Variants in RIMBP2 observed in about 807,000 individuals in gnomAD.
The protein encoded by RIMBP2 is RIMS-binding protein 2.
A neutral mutation model predicts 118.6 loss-of-function variants in RIMBP2; 48 were observed. The ratio of observed to expected loss-of-function variants is 0.40; its 90% CI spans 0.32 to 0.51. The LOEUF (loss-of-function observed/expected upper bound fraction) is 0.51. Among genes scored for constraint, RIMBP2 ranks in the 20% least tolerant of loss-of-function variants. The probability of loss-of-function intolerance (pLI) is 0.41; values close to 1 mark genes in which losing one functional copy is unlikely to be tolerated. For missense variants in RIMBP2, 1,551 were observed against 1,768.3 expected (o/e 0.88, Z 2.20); for synonymous variants, 762 against 742.9 (o/e 1.03, Z -0.42).
Position 130,446,696 on chromosome 12 carries a change from G to C in RIMBP2, c.582-1427C>G, listed in dbSNP as rs1566053484. Among the ~76,000 whole-genome samples the C allele has an allele frequency of 3.9e-5, 6 of 152,232 alleles. No individual in the cohort carries two copies. Among genetic ancestry groups the C allele is most frequent in the Admixed American group, 3.3e-4 (5 of 15,288 alleles). On this transcript the variant is annotated intron_variant, in intron 9 of 22. Coordinates refer to ENST00000690449, the MANE Select transcript of RIMBP2 (RefSeq NM_001393629.1). The surrounding 1 kb of genome is among the most constrained non-coding windows in gnomAD (Gnocchi z 4.1). ...CCAAGGCCCAGAGGCAGGGAGGAGAGAGATGAGGTTGGCAGGGACCAGACT... is the reference window on the plus strand; with the variant it reads ...CCAAGGCCCAGAGGCAGGGAGGAGACAGATGAGGTTGGCAGGGACCAGACT...
At chr12:130,521,493 G>GAA in intron 2 of RIMBP2, among the ~76,000 whole-genome samples, 1 of 152,340 alleles carries the variant, frequency 6.6e-6, no homozygotes, top group South Asian at 2.1e-4. Context: ...AGCCTAGGGG[G>GAA]AGGCACCAGC....
At chr12:130,594,002 A>C (rs2059420101) in intron 2 of RIMBP2, among the ~76,000 whole-genome samples, 1 of 152,216 alleles carries the variant, frequency 6.6e-6, no homozygotes, top group Non-Finnish European at 1.5e-5. Context: ...GATTATTTCC[A>C]ATACCAGAAG....
intron 19 of RIMBP2, among the ~76,000 whole-genome samples, chr12:130,412,332 G>A (rs61934554): frequency 0.016 from 2,375 of 152,264 alleles, 33 homozygotes; most frequent in Admixed American, 0.046. Flanking sequence ...GTGTTTTCTA[G>A]ATGCGATAAA....
intron 2 of RIMBP2, among the ~76,000 whole-genome samples, chr12:130,571,470 AG>A: frequency 7.1e-6 from 1 of 141,586 alleles, no homozygotes; most frequent in East Asian, 2.1e-4. Context: ...CCCAGGCTGG[AG>A]TGCAATGGCA....
chr12:130,585,919 G>A (rs562582662), intron 2 of RIMBP2, among the ~76,000 whole-genome samples: 37 of 152,300 alleles, frequency 2.4e-4, no homozygotes, highest in Middle Eastern at 3.4e-3. Context: ...AAAACAAAGC[G>A]TCCCTGAGAA....
intron 2 of RIMBP2, among the ~76,000 whole-genome samples, chr12:130,589,224 T>C (rs2140297694): frequency 6.6e-6 from 1 of 152,326 alleles, no homozygotes; most frequent in East Asian, 1.9e-4. Flanking sequence ...CAAAGTAACG[T>C]GGGCTCTTTC....
At position 130,537,640 on chromosome 12, in the gene RIMBP2, T is replaced by C. The variant is rs1386334741; in HGVS notation, c.-216-19723A>G. 1.3e-5 allele frequency among the ~76,000 whole-genome samples: 2 copies of C among 152,190 alleles called. 1 individual carries two copies. The highest frequency in any genetic ancestry group is 3.9e-4 in the East Asian group (2 of 5,182). ...GTGCATATTAGAAGGAAAACGAAAG[T>C]GAGTTTCTGTTCACCTCATGCAGAA... is the stretch of plus-strand genomic sequence containing the variant. On this transcript the variant is annotated intron_variant, in intron 2 of 22. Coordinates refer to ENST00000690449, the MANE Select transcript of RIMBP2 (RefSeq NM_001393629.1).
intron 2 of RIMBP2, among the ~76,000 whole-genome samples, chr12:130,585,110 G>A (rs1368321466): frequency 1.3e-5 from 2 of 152,048 alleles, no homozygotes; most frequent in African/African-American, 2.4e-5. Context: ...GGCTGATCTC[G>A]AACTCCTGGG....
At chr12:130,423,949 G>A (rs1231450917) in intron 16 of RIMBP2, among the ~76,000 whole-genome samples, 193 bp downstream of exon 16, 1 of 152,104 alleles carries the variant, frequency 6.6e-6, no homozygotes, top group Non-Finnish European at 1.5e-5. Flanking sequence ...TCTAAGCACA[G>A]TAAAGAAATC....
chr12:130,512,944 T>C (rs892511177), intron 3 of RIMBP2, among the ~76,000 whole-genome samples: 1 of 152,108 alleles, frequency 6.6e-6, no homozygotes, highest in Non-Finnish European at 1.5e-5. Flanking sequence ...ATCCCAAATG[T>C]CTATGTGTGT....
chr12:130,417,428 C>T (rs1164856998), intron 17 of RIMBP2, among the ~76,000 whole-genome samples: 1 of 152,196 alleles, frequency 6.6e-6, no homozygotes, highest in African/African-American at 2.4e-5. Flanking sequence ...AAATCACGTC[C>T]TCTGCAGCCA....
chr12:130,616,251 G>A (rs762322314), intron 2 of RIMBP2, among the ~76,000 whole-genome samples: 4 of 151,794 alleles, frequency 2.6e-5, no homozygotes, highest in Non-Finnish European at 2.9e-5. Context: ...CCGGTTCCCC[G>A]CTCTCCTCTC....
intron 2 of RIMBP2, among the ~76,000 whole-genome samples, chr12:130,560,825 A>T (rs2056762795): frequency 6.6e-6 from 1 of 152,188 alleles, no homozygotes; most frequent in South Asian, 2.1e-4. Context: ...CTTGCAATCC[A>T]GTATTAAGGG....
intron 4 of RIMBP2, among the ~76,000 whole-genome samples, chr12:130,485,199 GA>G (rs2082375168): frequency 6.6e-6 from 1 of 152,260 alleles, no homozygotes; most frequent in Non-Finnish European, 1.5e-5. Context: ...ATGACGGTGA[GA>G]AATCGGAATG....
At chr12:130,673,557 G>A (rs2064297656) in intron 1 of RIMBP2, among the ~76,000 whole-genome samples, 1 of 152,208 alleles carries the variant, frequency 6.6e-6, no homozygotes, top group African/African-American at 2.4e-5. Flanking sequence ...GGCCAGGTGG[G>A]CGTGCCACTT....
Position 130,441,831 on chromosome 12 carries a change from A to G in RIMBP2, c.1504+17T>C. ...CGTTCTCTCCCTGGGGGACCCACGG[A>G]AGGACACAGGGCTCACCTGCAGGCA... On this transcript the variant is annotated intron_variant, in intron 11 of 22. Transcript: ENST00000690449. 1 of 1,606,872 alleles carries G rather than the reference A, an allele frequency of 6.2e-7. No homozygotes were observed. The highest frequency in any genetic ancestry group is 1.3e-5 in the African/African-American group (1 of 74,828).
At chr12:130,571,067 C>G (rs147976690) in intron 2 of RIMBP2, among the ~76,000 whole-genome samples, 2 of 152,200 alleles carry the variant, frequency 1.3e-5, no homozygotes, top group East Asian at 3.9e-4. Flanking sequence ...AAACGTGCTG[C>G]GGTCATTGTT....
Position 130,465,698 on chromosome 12 carries a change from C to T in RIMBP2, c.153+4995G>A, listed in dbSNP as rs1030274446. ...AGGGGTTAAATATGACTGTATTTCTCAAGAGCCTGGGGTAAAGCGACTTCC... is the reference window on the plus strand; with the variant it reads ...AGGGGTTAAATATGACTGTATTTCTTAAGAGCCTGGGGTAAAGCGACTTCC... On this transcript the variant is annotated intron_variant, in intron 6 of 22. Coordinates refer to ENST00000690449, the MANE Select transcript of RIMBP2 (RefSeq NM_001393629.1). 12 of 152,358 alleles carry T rather than the reference C, an allele frequency of 7.9e-5. No homozygotes were observed. The East Asian group carries it at 2.1e-3, about 27-fold the overall frequency. 9.4% of individuals were successfully genotyped at this position (152,358 alleles called of 1,614,324 possible).
chr12:130,697,416 G>A (rs999444902), intron 1 of RIMBP2, among the ~76,000 whole-genome samples: 1 of 151,802 alleles, frequency 6.6e-6, no homozygotes, highest in Non-Finnish European at 1.5e-5. Flanking sequence ...CCAGCTACTC[G>A]GGAGGCTGAG....
Sources: allele counts gnomAD v4.1 joint callset (sites outside exome capture counted in the v4.1 genomes callset), GRCh38; gene constraint gnomAD v4.1.1; non-coding constraint Gnocchi (gnomAD v3.1); transcripts MANE v1.5; gene names NCBI Gene and HGNC (gene_info 2026-07-23, HGNC 2026-07-21).